LRRC4C: variants seen among roughly 807,000 people sequenced by gnomAD.
LRRC4C encodes the protein leucine-rich repeat-containing protein 4C.
Under a neutral mutation model 33.6 loss-of-function variants are expected in LRRC4C, and 5 were observed. The observed-to-expected ratio is 0.15, with a 90% CI of 0.08 to 0.31. LRRC4C has a LOEUF of 0.31. LRRC4C is among the 10% of genes least tolerant of loss of function. The probability of loss-of-function intolerance (pLI) is 1.00; values close to 1 mark genes in which losing one functional copy is unlikely to be tolerated. For synonymous variants in LRRC4C, 329 were observed against 302.0 expected, an observed-to-expected ratio of 1.09 and a Z score of -0.93; for missense variants, 560 against 796.7, an observed-to-expected ratio of 0.70 and a Z score of 3.58.
intron 1 of LRRC4C, among the ~76,000 whole-genome samples, chr11:41,248,274 C>G (rs1288481029): frequency 3.3e-5 from 5 of 152,176 alleles, no homozygotes; most frequent in African/African-American, 1.2e-4. Context: ...ACTGTCTATA[C>G]TAAGAGTTTA....
chr11:40,751,814 A>T (rs896706262), intron 2 of LRRC4C, among the ~76,000 whole-genome samples: 3 of 152,176 alleles, frequency 2.0e-5, no homozygotes, highest in African/African-American at 4.8e-5. Context: ...TTGAGCAAAA[A>T]GTACAAAACT....
intron 1 of LRRC4C, among the ~76,000 whole-genome samples, chr11:41,442,968 AG>A (rs1321279351): frequency 6.6e-6 from 1 of 152,156 alleles, no homozygotes; most frequent in African/African-American, 2.4e-5. Context: ...CAAAGGAAAA[AG>A]CTGATTTCAG....
At position 40,319,693 on chromosome 11, in the gene LRRC4C, T is replaced by C. The variant is rs962340229; in HGVS notation, c.-241A>G. 8 of 152,208 alleles carry C rather than the reference T, an allele frequency of 5.3e-5. No individual in the cohort carries two copies. Among genetic ancestry groups the C allele is most frequent in the African/African-American group, 1.7e-4 (7 of 41,452 alleles). 9.4% of individuals were successfully genotyped at this position (152,208 alleles called of 1,614,324 possible). A position where few individuals can be genotyped will look rare whatever the true frequency, so the allele number is the denominator to read the frequency against. ...AAACTCAAAGAAGTTTAATAAGTGC[T>C]CTGGATTTCTGCAGATACTTCTTTA... On this transcript the variant is annotated 5_prime_UTR_variant, in exon 4 of 7. Transcript: ENST00000528697.
intron 1 of LRRC4C, among the ~76,000 whole-genome samples, chr11:40,990,225 CAA>C (rs1853415295): frequency 2.1e-5 from 2 of 97,412 alleles, no homozygotes; most frequent in Admixed American, 1.4e-4. Flanking sequence ...AATAGTATGT[CAA>C]GTTTTATATA....
At chr11:41,236,584 A>C (rs2136507538) in intron 1 of LRRC4C, among the ~76,000 whole-genome samples, 1 of 152,116 alleles carries the variant, frequency 6.6e-6, no homozygotes, top group African/African-American at 2.4e-5. Flanking sequence ...GAAAAAAAAA[A>C]ACCTATTTCA....
intron 3 of LRRC4C, among the ~76,000 whole-genome samples, chr11:40,360,803 A>G (rs1184359981): frequency 1.3e-5 from 2 of 152,208 alleles, no homozygotes; most frequent in South Asian, 2.1e-4. Context: ...CAAAAAAAGA[A>G]AAGTTGAGGC....
intron 1 of LRRC4C, among the ~76,000 whole-genome samples, chr11:41,370,744 A>G (rs1037292839): frequency 7.9e-5 from 12 of 152,138 alleles, no homozygotes; most frequent in Non-Finnish European, 1.5e-4. Context: ...TGGTCCCACT[A>G]TATTGTCCAG....
intron 3 of LRRC4C, among the ~76,000 whole-genome samples, chr11:40,536,691 T>A (rs7117572): frequency 0.088 from 13,343 of 152,222 alleles, 1,657 homozygotes; most frequent in African/African-American, 0.28. Context: ...CTTCCTGGAA[T>A]GCTCTTTTTT....
chr11:41,130,548 T>C (rs1428258334), intron 1 of LRRC4C, among the ~76,000 whole-genome samples: 1 of 151,992 alleles, frequency 6.6e-6, no homozygotes, highest in Non-Finnish European at 1.5e-5. Context: ...ATTTACTGTA[T>C]TAAACCTCAA....
At chr11:40,358,184 A>AAAT (rs1947764702) in intron 3 of LRRC4C, among the ~76,000 whole-genome samples, 1 of 150,386 alleles carries the variant, frequency 6.6e-6, no homozygotes, top group Non-Finnish European at 1.5e-5. Flanking sequence ...CTCTGTCTCA[A>AAAT]AAATAAATAA....
intron 5 of LRRC4C, among the ~76,000 whole-genome samples, chr11:40,189,734 G>C (rs1284780692): frequency 6.6e-6 from 1 of 152,262 alleles, no homozygotes; most frequent in Non-Finnish European, 1.5e-5. Context: ...GAATATATGT[G>C]CCAATTTGAG....
intron 1 of LRRC4C, among the ~76,000 whole-genome samples, chr11:40,986,658 A>C (rs1853031468): frequency 3.9e-5 from 6 of 152,148 alleles, no homozygotes; most frequent in Admixed American, 3.3e-4. Flanking sequence ...AACTCTGGCG[A>C]TATGATTTTA....
At chr11:40,889,011 G>A (rs1955582280) in intron 2 of LRRC4C, among the ~76,000 whole-genome samples, 1 of 151,874 alleles carries the variant, frequency 6.6e-6, no homozygotes, top group Non-Finnish European at 1.5e-5. Context: ...CCTTCCTGGA[G>A]GGCAATTTGG....
At chr11:40,728,045 A>C (rs1947371625) in intron 2 of LRRC4C, among the ~76,000 whole-genome samples, 1 of 145,804 alleles carries the variant, frequency 6.9e-6, no homozygotes, top group South Asian at 2.2e-4. Flanking sequence ...TCACAGGAAA[A>C]ATAATGAACA....
At chr11:40,253,678 A>T (rs1440013205) in intron 4 of LRRC4C, among the ~76,000 whole-genome samples, 1 of 152,218 alleles carries the variant, frequency 6.6e-6, no homozygotes, top group South Asian at 2.1e-4. Context: ...TTAACCCTCC[A>T]GATGCACTGC....
chr11:41,406,751 C>T lies in LRRC4C; in HGVS notation c.-496+52680G>A, dbSNP rs184610150. On this transcript the variant is annotated intron_variant, in intron 1 of 6. Transcript: ENST00000528697. ...ACACACACACACACACACACACACA[C>T]GCACCCTTAATAAAAGAAAGTAACT... 5.8e-3 allele frequency among the ~76,000 whole-genome samples: 846 copies of T among 146,964 alleles called. 11 individuals are homozygous for T. The highest frequency in any genetic ancestry group is 0.018 in the African/African-American group (725 of 39,972).
intron 5 of LRRC4C, among the ~76,000 whole-genome samples, chr11:40,205,956 ATATTT>A (rs1316863975): frequency 6.6e-6 from 1 of 152,140 alleles, no homozygotes; most frequent in Non-Finnish European, 1.5e-5. Flanking sequence ...TTCAAAAGTA[ATATTT>A]TATTTTCACA....
intron 3 of LRRC4C, among the ~76,000 whole-genome samples, chr11:40,545,097 C>G (rs1427553122): frequency 6.6e-6 from 1 of 151,954 alleles, no homozygotes; most frequent in Non-Finnish European, 1.5e-5. Context: ...GTCTCTGAAG[C>G]CTCCCATCAT....
intron 2 of LRRC4C, among the ~76,000 whole-genome samples, chr11:40,722,280 C>T (rs1947055991): frequency 6.6e-6 from 1 of 152,054 alleles, no homozygotes; most frequent in Non-Finnish European, 1.5e-5. Context: ...AGTCATCTCT[C>T]GCTCCTCTCC....
Sources: gnomAD v4.1 joint callset for allele counts (sites outside exome capture counted in the v4.1 genomes callset) on GRCh38, gnomAD v4.1.1 for gene constraint, MANE v1.5 for transcripts, NCBI Gene and HGNC (gene_info 2026-07-23, HGNC 2026-07-21) for gene names.